Variants in CCSAP observed in about 807,000 individuals in gnomAD.
CCSAP encodes the protein centriole, cilia and spindle associated protein.
A neutral mutation model predicts 25.9 loss-of-function variants in CCSAP; 17 were observed. The observed-to-expected ratio is 0.66, with a 90% CI of 0.45 to 0.99. The LOEUF is 0.99. CCSAP is among the 50% of genes least tolerant of loss of function. The pLI, the probability that CCSAP is intolerant of heterozygous loss-of-function variation, is 0.00. For missense variants in CCSAP, 339 were observed against 367.8 expected (o/e 0.92, Z 0.64); for synonymous variants, 169 against 157.1 (o/e 1.08, Z -0.57).
At position 229,342,125 on chromosome 1, in the gene CCSAP, T is replaced by C. The variant is rs1658349129; in HGVS notation, c.341A>G (p.Glu114Gly). Reference sequence around the variant, plus strand: ...TGGCAGAGCCGCGTCCTCCGCGTCCTCGGCCTCCGCGTCCCCGGCCTCCGC... The same window carrying C: ...TGGCAGAGCCGCGTCCTCCGCGTCCCCGGCCTCCGCGTCCCCGGCCTCCGC... ...QDAEAGDAEA[E>G]DAEDAALPAL... The change falls in exon 2 of 4, where the codon GAG becomes GGG. Residue 114 changes from glutamate (E) to glycine (G), a missense_variant. Coordinates refer to ENST00000284617, the MANE Select transcript of CCSAP (RefSeq NM_145257.5). This position sits in a 1 kb window ranked among gnomAD's most constrained non-coding sequence, Gnocchi z 7.5. The C allele has an allele frequency of 7.4e-7, 1 of 1,343,208 alleles. No homozygotes were observed. Among genetic ancestry groups the C allele is most frequent in the East Asian group, 3.0e-5 (1 of 32,892 alleles). The allele number at this position is 1,343,208 out of a possible 1,614,324, so 83.2% of individuals were successfully genotyped here.
chr1:229,335,452 T>C (rs237784), intron 2 of CCSAP, among the ~76,000 whole-genome samples: 67,354 of 152,058 alleles, frequency 0.44, 15,193 homozygotes, highest in African/African-American at 0.49. Flanking sequence ...GACTATAATA[T>C]GGACGTGCTC....
At chr1:229,337,678 A>AAAAAAAT in intron 2 of CCSAP, among the ~76,000 whole-genome samples, 11 of 65,480 alleles carry the variant, frequency 1.7e-4, no homozygotes, top group African/African-American at 4.2e-4. Context: ...CTCAAAAAAA[A>AAAAAAAT]ATATATATAT....
chr1:229,333,272 A>C lies in CCSAP; in HGVS notation c.368-6266T>G, dbSNP rs1283909863. ...ACGGTGAAACCCCGTCTCTACTAAA[A>C]ATACAAAAAAATTAGCCGGGCGTGG... On this transcript the variant is annotated intron_variant, in intron 2 of 3. Transcript: ENST00000284617. Among the ~76,000 whole-genome samples the C allele has an allele frequency of 4.7e-5, 7 of 149,982 alleles. No homozygotes were observed. In the South Asian group the frequency reaches 1.5e-3, roughly 32 times the overall value.
intron 2 of CCSAP, among the ~76,000 whole-genome samples, chr1:229,331,770 G>A (rs1658072212): frequency 6.8e-6 from 1 of 147,932 alleles, no homozygotes; most frequent in Non-Finnish European, 1.5e-5. Flanking sequence ...CTTCATCTGT[G>A]TCCTTTCTAA....
Position 229,342,519 on chromosome 1 carries a change from G to C in CCSAP, c.-48-6C>G. ...CGCTCCTCGCTGCCCGCAGCCTACGGGACCCGGTACACGACACAGAGGCCG... is the reference window on the plus strand; with the variant it reads ...CGCTCCTCGCTGCCCGCAGCCTACGCGACCCGGTACACGACACAGAGGCCG... On this transcript the variant is annotated splice_region_variant and splice_polypyrimidine_tract_variant and intron_variant, in intron 1 of 3. Transcript: ENST00000284617. The surrounding 1 kb of genome is among the most constrained non-coding windows in gnomAD (Gnocchi z 7.5). The C allele has an allele frequency of 3.2e-6, 4 of 1,237,516 alleles. No individual in the cohort carries two copies. Among genetic ancestry groups the C allele is most frequent in the Non-Finnish European group, 4.1e-6 (4 of 967,896 alleles). 76.7% of individuals were successfully genotyped at this position (1,237,516 alleles called of 1,614,324 possible). A position where few individuals can be genotyped will look rare whatever the true frequency, so the allele number is the denominator to read the frequency against.
chr1:229,327,769 TG>T (rs1558249268), intron 2 of CCSAP, among the ~76,000 whole-genome samples: 2 of 150,312 alleles, frequency 1.3e-5, no homozygotes, highest in Non-Finnish European at 2.9e-5. Flanking sequence ...CTCGGGAGAC[TG>T]AGGCAGGGGA....
At chr1:229,333,711 C>G (rs1402767175) in intron 2 of CCSAP, among the ~76,000 whole-genome samples, 1 of 151,928 alleles carries the variant, frequency 6.6e-6, no homozygotes, top group Non-Finnish European at 1.5e-5. Flanking sequence ...GAAACCTCGT[C>G]TCTACTAAAA....
chr1:229,334,875 G>A (rs536912611), intron 2 of CCSAP, among the ~76,000 whole-genome samples: 1 of 152,316 alleles, frequency 6.6e-6, no homozygotes, highest in Admixed American at 6.5e-5. Context: ...AGCAAGGGAG[G>A]TGATGACATC....
At chr1:229,339,040 G>C (rs1207492751) in intron 2 of CCSAP, among the ~76,000 whole-genome samples, 1 of 141,004 alleles carries the variant, frequency 7.1e-6, no homozygotes, top group Admixed American at 7.0e-5. Context: ...AAAATTAGAG[G>C]ATAAAATGAT....
chr1:229,336,859 C>T (rs954996946), intron 2 of CCSAP, among the ~76,000 whole-genome samples: 14 of 151,464 alleles, frequency 9.2e-5, no homozygotes, highest in Middle Eastern at 3.4e-3. Flanking sequence ...ATGTAAAGAA[C>T]ATTATGGACC....
intron 2 of CCSAP, among the ~76,000 whole-genome samples, chr1:229,337,296 C>T (rs1237242804): frequency 6.6e-6 from 1 of 151,860 alleles, no homozygotes; most frequent in Admixed American, 6.6e-5. Flanking sequence ...GTCACACACA[C>T]AAAGCAGGTG....
intron 2 of CCSAP, chr1:229,327,409 C>A: frequency 2.5e-6 from 1 of 402,750 alleles, no homozygotes; most frequent in Non-Finnish European, 5.0e-6. Context: ...CCAGCAGCTG[C>A]AGGAGGTTGC....
chr1:229,342,215 G>T lies in CCSAP; in HGVS notation c.251C>A (p.Pro84His). ...PRCAPPSPPP[P>H]VEPATQEEAE... is the part of the protein sequence containing the mutation. Reference sequence around the variant, plus strand: ...CTCCTCCTGGGTCGCCGGCTCTACGGGCGGCGGGGGCGAGGGCGGGGCGCA... The same window carrying T: ...CTCCTCCTGGGTCGCCGGCTCTACGTGCGGCGGGGGCGAGGGCGGGGCGCA... Residue 84 changes from proline to histidine, a missense_variant, in exon 2 of 4, where the codon CCC (proline) becomes CAC (histidine). Coordinates refer to ENST00000284617, the MANE Select transcript of CCSAP (RefSeq NM_145257.5). This position sits in a 1 kb window ranked among gnomAD's most constrained non-coding sequence, Gnocchi z 7.5. 4 of 1,253,130 alleles carry T rather than the reference G, an allele frequency of 3.2e-6. No homozygotes were observed. The highest frequency in any genetic ancestry group is 4.0e-6 in the Non-Finnish European group (4 of 1,001,474). 77.6% of individuals were successfully genotyped at this position (1,253,130 alleles called of 1,614,324 possible).
Position 229,326,949 on chromosome 1 carries a change from G to T in CCSAP, c.425C>A (p.Thr142Asn), listed in dbSNP as rs1195619193. ...KPEQQTRTRETDKSPTSTEPR... is the reference protein window; with the variant it reads ...KPEQQTRTRENDKSPTSTEPR... ...CTCAGTACTGGTGGGTGATTTGTCAGTCTCTCTTGTTCTGGTTTGTTGTTC... is the reference window on the plus strand; with the variant it reads ...CTCAGTACTGGTGGGTGATTTGTCATTCTCTCTTGTTCTGGTTTGTTGTTC... The change falls in exon 3 of 4, where the codon ACT becomes AAT. Residue 142 changes from threonine to asparagine, a missense_variant. Coordinates refer to ENST00000284617, the MANE Select transcript of CCSAP (RefSeq NM_145257.5). 1 of 1,614,184 alleles carries T rather than the reference G, an allele frequency of 6.2e-7. No homozygotes were observed. The highest frequency in any genetic ancestry group is 1.7e-5 in the Admixed American group (1 of 60,020).
intron 2 of CCSAP, among the ~76,000 whole-genome samples, chr1:229,341,809 G>C (rs1658339376): frequency 6.6e-6 from 1 of 152,060 alleles, no homozygotes; most frequent in Non-Finnish European, 1.5e-5. Context: ...ATGGGATTCA[G>C]AGGTTTGCCA....
In CCSAP at chr1:229,342,277, C is replaced by A; in HGVS notation, c.189G>T (p.Ser63=). Residue 63 remains serine, a synonymous_variant, in exon 2 of 4, where the codon TCG becomes TCT. Transcript: ENST00000284617. The surrounding 1 kb of genome is among the most constrained non-coding windows in gnomAD (Gnocchi z 7.5). ...GGCCCCCGGCGCCCGACGACTCTGA[C>A]GACGCCGAGTCCTCCGAGGAGCCGG... The part of the protein sequence containing the change: ...GPAGSSEDSA[S]SESSGAGGPA... The A allele has an allele frequency of 2.2e-6, 3 of 1,351,658 alleles. No individual in the cohort carries two copies. The highest frequency in any genetic ancestry group is 1.5e-5 in the African/African-American group (1 of 66,506). 83.7% of individuals were successfully genotyped at this position (1,351,658 alleles called of 1,614,324 possible).
At chr1:229,337,284 G>T (rs1658215218) in intron 2 of CCSAP, among the ~76,000 whole-genome samples, 1 of 151,608 alleles carries the variant, frequency 6.6e-6, no homozygotes, top group Non-Finnish European at 1.5e-5. Flanking sequence ...AAACATAGGG[G>T]GGTCACACAC....
intron 2 of CCSAP, among the ~76,000 whole-genome samples, chr1:229,333,431 G>GAAAAA (rs368401348): frequency 4.1e-4 from 29 of 70,458 alleles, no homozygotes; most frequent in African/African-American, 9.3e-4. Flanking sequence ...AGACTCCATC[G>GAAAAA]AAAAAAAAAA....
intron 2 of CCSAP, chr1:229,340,467 G>A (rs1030628511): frequency 4.2e-6 from 3 of 714,034 alleles, no homozygotes; most frequent in South Asian, 1.5e-5. Flanking sequence ...TATATTGCAT[G>A]CAAATATTTG....
Sources: allele counts gnomAD v4.1 joint callset (sites outside exome capture counted in the v4.1 genomes callset), GRCh38; gene constraint gnomAD v4.1.1; non-coding constraint Gnocchi (gnomAD v3.1); transcripts MANE v1.5; gene names NCBI Gene and HGNC (gene_info 2026-07-23, HGNC 2026-07-21).